Variants in TTC13 observed in about 807,000 individuals in gnomAD.
The protein encoded by TTC13 is tetratricopeptide repeat domain 13, also known as tetratricopeptide repeat protein 13.
A neutral mutation model predicts 120.0 loss-of-function variants in TTC13; 62 were observed. That is an observed-to-expected ratio of 0.52 (90% confidence interval 0.42 to 0.64). TTC13 has a LOEUF of 0.64. Ranked by LOEUF, TTC13 falls within the 30% of genes least tolerant of loss-of-function variation. The pLI, the probability that TTC13 is intolerant of heterozygous loss-of-function variation, is 0.00. For missense variants in TTC13, 824 were observed against 1,050.2 expected, an observed-to-expected ratio of 0.78 and a Z score of 2.98; for synonymous variants, 384 against 393.5, an observed-to-expected ratio of 0.98 and a Z score of 0.28.
chr1:230,913,729 A>G (rs971177270), intron 18 of TTC13, among the ~76,000 whole-genome samples: 4 of 152,354 alleles, frequency 2.6e-5, no homozygotes, highest in African/African-American at 9.6e-5. Context: ...TGGACAACAT[A>G]GAGAAAAGCA....
chr1:230,912,808 G>T, intron 18 of TTC13, 50 bp from the exon 19 acceptor site: 1 of 1,551,766 alleles, frequency 6.4e-7, no homozygotes, highest in Non-Finnish European at 8.7e-7. Flanking sequence ...AGTTCAAACA[G>T]CCAAACACAG....
intron 9 of TTC13, 116 bp from the exon 10 acceptor site, chr1:230,931,993 C>G (rs908910008): frequency 4.2e-5 from 41 of 986,116 alleles, no homozygotes; most frequent in Non-Finnish European, 5.9e-5. Flanking sequence ...TGGGAGTGTT[C>G]CCTTTGTTGC....
At chr1:230,949,005 C>CA (rs1675275205) in intron 4 of TTC13, among the ~76,000 whole-genome samples, 1 of 152,132 alleles carries the variant, frequency 6.6e-6, no homozygotes, top group South Asian at 2.1e-4. Flanking sequence ...TGCTCCTTCT[C>CA]CTTTATTCCC....
chr1:230,951,132 C>T (rs749750296), intron 4 of TTC13, among the ~76,000 whole-genome samples: 2 of 152,126 alleles, frequency 1.3e-5, no homozygotes, highest in Admixed American at 6.5e-5. Flanking sequence ...GGAAATATTT[C>T]CCAGGTTTGT....
intron 20 of TTC13, 48 bp from the exon 21 acceptor site, chr1:230,909,068 T>A (rs545057966): frequency 1.3e-6 from 2 of 1,494,104 alleles, no homozygotes; most frequent in East Asian, 4.6e-5. Context: ...CGGTCTACAG[T>A]TACCATGTTA....
intron 4 of TTC13, among the ~76,000 whole-genome samples, chr1:230,951,101 C>A (rs1163839044): frequency 6.6e-6 from 1 of 152,136 alleles, no homozygotes; most frequent in Non-Finnish European, 1.5e-5. Flanking sequence ...CCAATAAACA[C>A]TTTGAAACAC....
intron 2 of TTC13, among the ~76,000 whole-genome samples, chr1:230,958,633 C>G (rs976992889): frequency 1.3e-5 from 2 of 152,158 alleles, no homozygotes; most frequent in Admixed American, 6.5e-5. Flanking sequence ...GAACATGAGC[C>G]CTTCCTCTTT....
intron 11 of TTC13, among the ~76,000 whole-genome samples, 167 bp downstream of exon 11, chr1:230,931,131 T>C (rs374449760): frequency 2.0e-4 from 30 of 152,346 alleles, no homozygotes; most frequent in African/African-American, 6.3e-4. Context: ...CTTTTGAAGA[T>C]AGAAACATCT....
At chr1:230,947,350 G>A (rs368419723) in intron 4 of TTC13, among the ~76,000 whole-genome samples, 26 of 152,198 alleles carry the variant, frequency 1.7e-4, no homozygotes, top group African/African-American at 4.6e-4. Flanking sequence ...TAAGACTGGC[G>A]TCATGCTTTT....
intron 4 of TTC13, among the ~76,000 whole-genome samples, chr1:230,948,015 A>T (rs1220925042): frequency 1.3e-5 from 2 of 152,100 alleles, no homozygotes; most frequent in African/African-American, 4.8e-5. Flanking sequence ...GGATACTGTG[A>T]TCACCTTACC....
intron 1 of TTC13, among the ~76,000 whole-genome samples, chr1:230,974,349 A>G (rs1291375550): frequency 6.6e-6 from 1 of 152,208 alleles, no homozygotes; most frequent in African/African-American, 2.4e-5. Flanking sequence ...CCTACTATAT[A>G]GAGTCATGCG....
intron 1 of TTC13, among the ~76,000 whole-genome samples, chr1:230,976,880 G>T (rs1276121263): frequency 1.3e-5 from 2 of 152,178 alleles, no homozygotes; most frequent in African/African-American, 4.8e-5. Context: ...AGATATCATA[G>T]TATTAATCGA....
intron 17 of TTC13, 54 bp downstream of exon 17, chr1:230,920,456 G>A (rs1672478406): frequency 7.8e-7 from 1 of 1,283,252 alleles, no homozygotes; most frequent in Non-Finnish European, 1.1e-6. Flanking sequence ...AAAAAGTGCT[G>A]TTGGTTTTCT....
At chr1:230,927,503 G>T (rs560692436) in intron 12 of TTC13, among the ~76,000 whole-genome samples, 3 of 152,064 alleles carry the variant, frequency 2.0e-5, no homozygotes, top group Admixed American at 1.3e-4. Flanking sequence ...TTTCCCTGTG[G>T]TAAAATTACT....
chr1:230,917,604 A>G (rs998588012), intron 17 of TTC13, among the ~76,000 whole-genome samples: 16 of 152,156 alleles, frequency 1.1e-4, no homozygotes, highest in Admixed American at 4.6e-4. Flanking sequence ...GGCTAGATGT[A>G]TAATGCTGAA....
At chr1:230,929,654 T>A (rs147888147) in intron 11 of TTC13, among the ~76,000 whole-genome samples, 1 of 152,262 alleles carries the variant, frequency 6.6e-6, no homozygotes, top group Non-Finnish European at 1.5e-5. Context: ...GGAAAACCAC[T>A]AAAAATCTCA....
At chr1:230,961,059 G>A (rs1488313310) in intron 2 of TTC13, 150 bp downstream of exon 2, 1 of 589,170 alleles carries the variant, frequency 1.7e-6, no homozygotes. Flanking sequence ...ATAATTCAAT[G>A]TGGCAAAATA....
chr1:230,955,925 C>T lies in TTC13; in HGVS notation c.443-1522G>A, dbSNP rs117946888. Among the ~76,000 whole-genome samples the T allele has an allele frequency of 1.4e-4, 22 of 152,166 alleles. No homozygotes were observed. In the East Asian group the frequency reaches 3.9e-3, roughly 27 times the overall value. ...GTTCAGTTAGCTAACCTCCAGGTAA[C>T]GAGAGGATACCTTTAGTTTTGGTGG... On this transcript the variant is annotated intron_variant, in intron 3 of 22. Coordinates refer to ENST00000366661, the MANE Select transcript of TTC13 (RefSeq NM_024525.5).
chr1:230,922,034 T>G (rs1672619895), intron 15 of TTC13, among the ~76,000 whole-genome samples: 1 of 152,186 alleles, frequency 6.6e-6, no homozygotes, highest in South Asian at 2.1e-4. Context: ...CACAGCCGAC[T>G]GCTCCCAGGA....
Sources: gnomAD v4.1 joint callset for allele counts (sites outside exome capture counted in the v4.1 genomes callset) on GRCh38, gnomAD v4.1.1 for gene constraint, MANE v1.5 for transcripts, NCBI Gene and HGNC (gene_info 2026-07-23, HGNC 2026-07-21) for gene names.